The following KRT80 variants were observed in gnomAD, a reference collection of about 807,000 sequenced individuals.
The protein encoded by KRT80 is keratin, type II cytoskeletal 80.
A neutral mutation model predicts 51.5 loss-of-function variants in KRT80; 36 were observed. That is an observed-to-expected ratio of 0.70 (90% CI 0.54 to 0.92). KRT80 has a LOEUF of 0.92. Among genes scored for constraint, KRT80 ranks in the 40% least tolerant of loss-of-function variants. The pLI is 0.00. For missense variants in KRT80, 566 were observed against 591.7 expected, an observed-to-expected ratio of 0.96 and a Z score of 0.45; for synonymous variants, 235 against 248.3, an observed-to-expected ratio of 0.95 and a Z score of 0.50.
At chr12:52,188,585 G>T (rs1941439616) in intron 1 of KRT80, among the ~76,000 whole-genome samples, 1 of 152,240 alleles carries the variant, frequency 6.6e-6, no homozygotes, top group Non-Finnish European at 1.5e-5. Context: ...ACGAGCAGTG[G>T]CTGGTTTGTG....
intron 2 of KRT80, among the ~76,000 whole-genome samples, chr12:52,183,599 A>G (rs1941357935): frequency 6.6e-6 from 1 of 152,250 alleles, no homozygotes; most frequent in African/African-American, 2.4e-5. Flanking sequence ...AGAGAGGCTC[A>G]GCCTAAGCAG....
In KRT80 at chr12:52,169,800, C is replaced by T. The variant is rs552412147; in HGVS notation, c.*1598G>A. 1.3e-5 allele frequency: 2 copies of T among 152,374 alleles called. No homozygotes were observed. Among genetic ancestry groups the T allele is most frequent in the South Asian group, 4.1e-4 (2 of 4,828 alleles). 9.4% of individuals were successfully genotyped at this position (152,374 alleles called of 1,614,324 possible). On this transcript the variant is annotated 3_prime_UTR_variant, in exon 9 of 9. Coordinates refer to ENST00000394815, the MANE Select transcript of KRT80 (RefSeq NM_182507.3). ...CCTGAGGAAAAGCACCAATCAGCAC[C>T]CTCTTTTGGGACTTTGGGGATGAGA...
chr12:52,191,969 G>T lies in KRT80; in HGVS notation c.-67C>A, dbSNP rs1941490098. 1.5e-6 allele frequency: 2 copies of T among 1,365,836 alleles called. No homozygotes were observed. The highest frequency in any genetic ancestry group is 5.1e-5 in the East Asian group (2 of 39,096). The allele number at this position is 1,365,836 out of a possible 1,614,324, so 84.6% of individuals were successfully genotyped here. The stretch of plus-strand genomic sequence containing the variant: ...GAGTGAGCCTGGGGTTGCGTCGGGT[G>T]GCAGGCTCTGGTTGCTCTGGTCACA... On this transcript the variant is annotated 5_prime_UTR_variant, in exon 1 of 9. Transcript: ENST00000394815.
chr12:52,182,290 T>A (rs1941337264), intron 2 of KRT80, among the ~76,000 whole-genome samples: 1 of 152,120 alleles, frequency 6.6e-6, no homozygotes, highest in Admixed American at 6.5e-5. Context: ...TCACCTGCAC[T>A]CTCTCTGGTG....
At chr12:52,183,239 G>A (rs1230115645) in intron 2 of KRT80, among the ~76,000 whole-genome samples, 2 of 152,202 alleles carry the variant, frequency 1.3e-5, no homozygotes, top group East Asian at 1.9e-4. Context: ...TCCCCATAGA[G>A]GCTTAGGTCC....
At chr12:52,190,078 A>G (rs1941458752) in intron 1 of KRT80, among the ~76,000 whole-genome samples, 2 of 152,218 alleles carry the variant, frequency 1.3e-5, no homozygotes, top group Admixed American at 6.5e-5. Context: ...CAGCTCAGCA[A>G]TGCAAGGCTC....
In KRT80 at chr12:52,172,081, A is replaced by C. The variant is rs568254391; in HGVS notation, c.1178+117T>G. 5.9e-5 allele frequency: 68 copies of C among 1,151,128 alleles called. No homozygotes were observed. In the South Asian group the frequency reaches 9.2e-4, roughly 16 times the overall value. 71.3% of individuals were successfully genotyped at this position (1,151,128 alleles called of 1,614,324 possible). A position where few individuals can be genotyped will look rare whatever the true frequency, so the allele number is the denominator to read the frequency against. Reference sequence around the variant, plus strand: ...TTTGTAAGTGACTAAGCCAAGACTTAAACCCAGGCCTGGTAGGCTCACTGT... The same window carrying C: ...TTTGTAAGTGACTAAGCCAAGACTTCAACCCAGGCCTGGTAGGCTCACTGT... On this transcript the variant is annotated intron_variant, in intron 7 of 8. Coordinates refer to ENST00000394815, the MANE Select transcript of KRT80 (RefSeq NM_182507.3).
At position 52,191,154 on chromosome 12, in the gene KRT80, G is replaced by T. The variant is rs376572661; in HGVS notation, c.300+449C>A. Among the ~76,000 whole-genome samples the T allele has an allele frequency of 3.3e-5, 5 of 152,286 alleles. No individual in the cohort carries two copies. The East Asian group carries it at 7.7e-4, about 24-fold the overall frequency. ...GCTGGCTTTTCTGACTGGGGCAGCT[G>T]AGAGAGATGCTGTGGGACCAGAGGC... On this transcript the variant is annotated intron_variant, in intron 1 of 8. Coordinates refer to ENST00000394815, the MANE Select transcript of KRT80 (RefSeq NM_182507.3).
chr12:52,179,996 C>T (rs1255078011), intron 4 of KRT80, among the ~76,000 whole-genome samples: 1 of 152,192 alleles, frequency 6.6e-6, no homozygotes, highest in Non-Finnish European at 1.5e-5. Context: ...TGTTATGGGC[C>T]CTTGTACACT....
Position 52,191,699 on chromosome 12 carries a change from CA to C in KRT80, c.203del (p.Leu68ArgfsTer12). 1 of 1,613,838 alleles carries C rather than the reference CA, an allele frequency of 6.2e-7. No homozygotes were observed. Among genetic ancestry groups the C allele is most frequent in the Non-Finnish European group, 8.5e-7 (1 of 1,179,864 alleles). On this transcript the variant is annotated frameshift_variant, in exon 1 of 9. Coordinates refer to ENST00000394815, the MANE Select transcript of KRT80 (RefSeq NM_182507.3). LOFTEE classifies it high-confidence loss of function. ...GAACAGCGGGGTCCAACTTGACATC[CA>C]GGGGCACCAGCAGGCCGGGGTTCAC... ...VTVNPGLLVP[L>X]DVKLDPAVQQ...
At position 52,191,677 on chromosome 12, in the gene KRT80, C is replaced by A; in HGVS notation, c.226G>T (p.Val76Phe). Reference protein sequence around the residue: ...VPLDVKLDPAVQQLKNQEKEE... With the variant: ...VPLDVKLDPAFQQLKNQEKEE... ...TTCTCCTGGTTCTTCAGCTGCTGAA[C>A]AGCGGGGTCCAACTTGACATCCAGG... Residue 76 changes from valine (V) to phenylalanine (F), a missense_variant, in exon 1 of 9, where the codon GTT becomes TTT. Val to Phe is a conservative substitution (Grantham distance 50). Coordinates refer to ENST00000394815, the MANE Select transcript of KRT80 (RefSeq NM_182507.3). 1 of 1,613,678 alleles carries A rather than the reference C, an allele frequency of 6.2e-7. No individual in the cohort carries two copies. Among genetic ancestry groups the A allele is most frequent in the African/African-American group, 1.3e-5 (1 of 75,046 alleles).
At chr12:52,181,045 C>T in intron 2 of KRT80, 82 bp from the exon 3 acceptor site, 1 of 1,051,740 alleles carries the variant, frequency 9.5e-7, no homozygotes, top group Non-Finnish European at 1.4e-6. Flanking sequence ...GGCTCAGGGC[C>T]TGTGCTATCC....
rs528688298 is a variant in KRT80 at position 52,173,628 on chromosome 12, T to G, written c.803A>C (p.Glu268Ala). The change falls in exon 5 of 9, where the codon GAG becomes GCG. Residue 268 changes from glutamate to alanine, a missense_variant. By Grantham distance (107) the Glu-to-Ala change is moderately radical. Transcript: ENST00000394815. ...GCTCCGAGAGTATGCCTCGGCCTCCTCCAGGCTGCGAGCCGCGACGGCGTC... is the reference window on the plus strand; with the variant it reads ...GCTCCGAGAGTATGCCTCGGCCTCCGCCAGGCTGCGAGCCGCGACGGCGTC... ...QYDAVAARSL[E>A]EAEAYSRSQL... 7 of 1,612,926 alleles carry G rather than the reference T, an allele frequency of 4.3e-6. No individual in the cohort carries two copies. In the African/African-American group the frequency reaches 5.3e-5, roughly 12 times the overall value.
chr12:52,186,668 T>TACACA (rs1941411985), intron 1 of KRT80, among the ~76,000 whole-genome samples: 1 of 152,208 alleles, frequency 6.6e-6, no homozygotes, highest in Non-Finnish European at 1.5e-5. Flanking sequence ...CTGGTCACTG[T>TACACA]GGGCCCTGGG....
At position 52,185,736 on chromosome 12, in the gene KRT80, C is replaced by T. The variant is rs773851999; in HGVS notation, c.301-149G>A. 1.0e-5 allele frequency: 15 copies of T among 1,475,414 alleles called. No homozygotes were observed. The African/African-American group carries it at 2.1e-4, about 21-fold the overall frequency. 91.4% of individuals were successfully genotyped at this position (1,475,414 alleles called of 1,614,324 possible). A position where few individuals can be genotyped will look rare whatever the true frequency, so the allele number is the denominator to read the frequency against. ...CCCAGGGCGCTCACTCAGCAGAAAG[C>T]ACCTCCAATGACTGATTGTTAAAAC... On this transcript the variant is annotated intron_variant, in intron 1 of 8. Transcript: ENST00000394815.
At chr12:52,184,359 CCCTGCCCACTA>C (rs1001761963) in intron 2 of KRT80, among the ~76,000 whole-genome samples, 2 of 152,196 alleles carry the variant, frequency 1.3e-5, no homozygotes, top group African/African-American at 2.4e-5. Flanking sequence ...GTTCCTGAAG[CCCTGCCCACTA>C]CCTGACCACA....
At chr12:52,172,028 G>C (rs1210211828) in intron 7 of KRT80, among the ~76,000 whole-genome samples, 170 bp downstream of exon 7, 1 of 152,238 alleles carries the variant, frequency 6.6e-6, no homozygotes, top group African/African-American at 2.4e-5. Flanking sequence ...GGGGAAACAG[G>C]ATGAAATGAA....
chr12:52,186,867 G>T (rs1941415805), intron 1 of KRT80, among the ~76,000 whole-genome samples: 2 of 152,026 alleles, frequency 1.3e-5, no homozygotes, highest in Non-Finnish European at 2.9e-5. Context: ...TCAGCTTGGG[G>T]CTCCCCCTGC....
At chr12:52,186,651 T>C (rs553192862) in intron 1 of KRT80, among the ~76,000 whole-genome samples, 20 of 152,296 alleles carry the variant, frequency 1.3e-4, no homozygotes, top group East Asian at 7.7e-4. Context: ...ATGCGTCCTG[T>C]GTGTTGCTGG....
Sources: allele counts gnomAD v4.1 joint callset (sites outside exome capture counted in the v4.1 genomes callset), GRCh38; gene constraint gnomAD v4.1.1; transcripts MANE v1.5; gene names NCBI Gene and HGNC (gene_info 2026-07-23, HGNC 2026-07-21).